The following COL24A1 variants were observed in gnomAD, a reference collection of about 807,000 sequenced individuals.
The protein encoded by COL24A1 is collagen type XXIV alpha 1 chain.
COL24A1 carries 224 observed loss-of-function variants against 253.9 expected under a neutral mutation model. The observed-to-expected ratio is 0.88, with a 90% confidence interval of 0.79 to 0.99. The LOEUF (loss-of-function observed/expected upper bound fraction) is 0.99, where lower values mean the gene tolerates loss of function less well. Ranked by LOEUF, COL24A1 falls within the 50% of genes least tolerant of loss-of-function variation. COL24A1 has a pLI of 0.00. For synonymous variants in COL24A1, 685 were observed against 673.7 expected, an observed-to-expected ratio of 1.02 and a Z score of -0.26; for missense variants, 2,131 against 2,068.5, an observed-to-expected ratio of 1.03 and a Z score of -0.59.
intron 5 of COL24A1, among the ~76,000 whole-genome samples, chr1:86,110,554 T>A (rs1167452697): frequency 6.6e-6 from 1 of 151,378 alleles, no homozygotes; most frequent in South Asian, 2.1e-4. Context: ...CGGGGAGGTG[T>A]GGAGGGAGAG....
At chr1:85,900,163 A>G (rs1222278223) in intron 28 of COL24A1, among the ~76,000 whole-genome samples, 3 of 152,230 alleles carry the variant, frequency 2.0e-5, no homozygotes, top group Non-Finnish European at 4.4e-5. Flanking sequence ...TTTAAAAAAT[A>G]CTTTTACTAC....
chr1:86,145,771 T>C (rs1651790637), intron 2 of COL24A1, among the ~76,000 whole-genome samples: 1 of 152,060 alleles, frequency 6.6e-6, no homozygotes, highest in African/African-American at 2.4e-5. Flanking sequence ...ATGCTTTTGT[T>C]GTATCAAGAA....
Position 86,125,214 on chromosome 1 carries a change from AGACATGTTTAG to A in COL24A1, c.1111_1121del (p.Leu371Ter), listed in dbSNP as rs1278728819. On this transcript the variant is annotated frameshift_variant, in exon 3 of 60. Coordinates refer to ENST00000370571, the MANE Select transcript of COL24A1 (RefSeq NM_152890.7). LOFTEE classifies it high-confidence loss of function. ...TATCATCATGTTGTGTGATATTGTC[AGACATGTTTAG>A]GAGAGAGCTAAATTTCTCTTTGGTA... is the stretch of plus-strand genomic sequence containing the variant. The A allele has an allele frequency of 1.9e-6, 3 of 1,613,622 alleles. No individual in the cohort carries two copies. Among genetic ancestry groups the A allele is most frequent in the Admixed American group, 1.7e-5 (1 of 59,880 alleles).
chr1:85,909,751 A>G (rs1685185522), intron 26 of COL24A1, among the ~76,000 whole-genome samples, 199 bp downstream of exon 26: 1 of 151,912 alleles, frequency 6.6e-6, no homozygotes, highest in South Asian at 2.1e-4. Flanking sequence ...TCATTTGACT[A>G]AGCCATCTCA....
chr1:85,804,000 A>G (rs976780837), intron 47 of COL24A1, among the ~76,000 whole-genome samples: 2 of 152,208 alleles, frequency 1.3e-5, no homozygotes, highest in Non-Finnish European at 2.9e-5. Flanking sequence ...AAAGACCTAC[A>G]TTAAAAATAA....
At chr1:86,098,442 C>G (rs1557614636) in intron 5 of COL24A1, among the ~76,000 whole-genome samples, 1 of 152,006 alleles carries the variant, frequency 6.6e-6, no homozygotes, top group African/African-American at 2.4e-5. Flanking sequence ...CTAACATGTG[C>G]TTATATGAGG....
chr1:85,990,719 T>A (rs1018708440), intron 19 of COL24A1, among the ~76,000 whole-genome samples: 3 of 152,174 alleles, frequency 2.0e-5, no homozygotes, highest in Non-Finnish European at 4.4e-5. Context: ...CTCGGCCAGA[T>A]ATGGGACAAT....
chr1:85,765,554 AATCAT>A (rs1223820853), intron 53 of COL24A1, among the ~76,000 whole-genome samples: 3 of 102,310 alleles, frequency 2.9e-5, no homozygotes, highest in Non-Finnish European at 6.0e-5. Context: ...AAAAAAAAAA[AATCAT>A]TAAATAAATA....
chr1:85,858,621 C>CTCCTTCCTTCCTTCCTTCCTTCTTTCCT (rs1678739608), intron 37 of COL24A1, among the ~76,000 whole-genome samples: 1 of 113,270 alleles, frequency 8.8e-6, no homozygotes, highest in Non-Finnish European at 1.9e-5. Flanking sequence ...TATTTTCTCC[C>CTCCTTCCTTCCTTCCTTCCTTCTTTCCT]TCCTTCCTTC....
chr1:86,082,504 T>A (rs1288356148), intron 7 of COL24A1, among the ~76,000 whole-genome samples: 1 of 151,814 alleles, frequency 6.6e-6, no homozygotes, highest in Non-Finnish European at 1.5e-5. Context: ...CATCCACCTT[T>A]CACCTCCAGG....
At chr1:85,950,345 T>C (rs1160500956) in intron 24 of COL24A1, among the ~76,000 whole-genome samples, 1 of 152,110 alleles carries the variant, frequency 6.6e-6, no homozygotes, top group Non-Finnish European at 1.5e-5. Context: ...ATTACGGATG[T>C]AGAATTTATA....
intron 45 of COL24A1, among the ~76,000 whole-genome samples, chr1:85,821,330 C>T (rs1673601000): frequency 6.6e-6 from 1 of 152,052 alleles, no homozygotes; most frequent in African/African-American, 2.4e-5. Context: ...AAGTAATAGG[C>T]TTCTTCATAA....
chr1:86,118,095 C>T (rs970682465), intron 3 of COL24A1, among the ~76,000 whole-genome samples: 5 of 149,796 alleles, frequency 3.3e-5, no homozygotes, highest in African/African-American at 1.2e-4. Flanking sequence ...TGGAGTCTCA[C>T]TCTGTCACCT....
chr1:86,082,938 A>T (rs1702759499), intron 7 of COL24A1, among the ~76,000 whole-genome samples: 1 of 151,822 alleles, frequency 6.6e-6, no homozygotes, highest in African/African-American at 2.4e-5. Flanking sequence ...CGCTCAAAAT[A>T]ATTCGGATTT....
intron 24 of COL24A1, among the ~76,000 whole-genome samples, chr1:85,948,268 T>C (rs1689519861): frequency 6.6e-6 from 1 of 152,062 alleles, no homozygotes; most frequent in African/African-American, 2.4e-5. Flanking sequence ...CTCACGCCTG[T>C]AATCCCAGCA....
intron 37 of COL24A1, among the ~76,000 whole-genome samples, chr1:85,866,696 C>T (rs1326186816): frequency 2.0e-5 from 3 of 152,126 alleles, no homozygotes; most frequent in Admixed American, 6.6e-5. Flanking sequence ...ATCTCTTGAA[C>T]CCGGGAGGTG....
At chr1:85,835,878 A>G (rs1184215810) in intron 43 of COL24A1, among the ~76,000 whole-genome samples, 2 of 152,112 alleles carry the variant, frequency 1.3e-5, no homozygotes, top group African/African-American at 2.4e-5. Context: ...ATCTCGGAAT[A>G]TTGAATATTT....
chr1:85,996,404 G>A (rs12118004), intron 19 of COL24A1, among the ~76,000 whole-genome samples: 40,178 of 151,712 alleles, frequency 0.26, 6,545 homozygotes, highest in Non-Finnish European at 0.35. Context: ...GGCTGAGCAC[G>A]GTGGCTCACA....
intron 43 of COL24A1, among the ~76,000 whole-genome samples, chr1:85,829,951 T>G (rs1400957571): frequency 6.6e-6 from 1 of 152,116 alleles, no homozygotes; most frequent in East Asian, 1.9e-4. Flanking sequence ...TCCAGCTTTG[T>G]TCTGTTGCTG....
Sources: allele counts gnomAD v4.1 joint callset (sites outside exome capture counted in the v4.1 genomes callset), GRCh38; gene constraint gnomAD v4.1.1; transcripts MANE v1.5; gene names NCBI Gene and HGNC (gene_info 2026-07-23, HGNC 2026-07-21).